GRIN1: variants seen among roughly 807,000 people sequenced by gnomAD.
GRIN1 encodes glutamate receptor ionotropic, NMDA 1.
Under a neutral mutation model 103.0 loss-of-function variants are expected in GRIN1, and 38 were observed. The ratio of observed to expected loss-of-function variants is 0.37; its 90% CI spans 0.28 to 0.48. The LOEUF is 0.48. Ranked by LOEUF, GRIN1 falls within the 20% of genes least tolerant of loss-of-function variation. GRIN1 has a pLI of 0.98. For missense variants in GRIN1, 577 were observed against 1,288.9 expected (o/e 0.45, Z 8.46); for synonymous variants, 544 against 532.7 (o/e 1.02, Z -0.29).
intron 2 of GRIN1, among the ~76,000 whole-genome samples, chr9:137,145,479 C>G (rs1203878047): frequency 3.4e-4 from 35 of 102,772 alleles, no homozygotes; most frequent in East Asian, 2.4e-3. Flanking sequence ...GTGTCCCCAG[C>G]GGGGTGGGGA....
intron 1 of GRIN1, among the ~76,000 whole-genome samples, chr9:137,141,333 C>T (rs1417677328): frequency 6.6e-6 from 1 of 152,178 alleles, no homozygotes; most frequent in Non-Finnish European, 1.5e-5. Flanking sequence ...GAGGCATCAG[C>T]TCCAGGGGGC....
Position 137,145,918 on chromosome 9 carries a change from G to T in GRIN1, c.570+16G>T, listed in dbSNP as rs201978748. Reference sequence around the variant, plus strand: ...TGAGTCCAAGGTGAGGGTCGGCGCCGCGGGTGGGCGCCTGGCGGAGCCGAG... The same window carrying T: ...TGAGTCCAAGGTGAGGGTCGGCGCCTCGGGTGGGCGCCTGGCGGAGCCGAG... On this transcript the variant is annotated intron_variant, in intron 3 of 19. Coordinates refer to ENST00000371561, the MANE Select transcript of GRIN1 (RefSeq NM_007327.4). 16 of 1,575,236 alleles carry T rather than the reference G, an allele frequency of 1.0e-5. No homozygotes were observed. In the South Asian group the frequency reaches 1.5e-4, roughly 15 times the overall value.
intron 3 of GRIN1, among the ~76,000 whole-genome samples, chr9:137,147,413 C>G (rs1215398186): frequency 1.3e-5 from 2 of 152,156 alleles, no homozygotes; most frequent in African/African-American, 4.8e-5. Context: ...CATGCACACA[C>G]GCACACACGT....
chr9:137,151,879 T>C lies in GRIN1; in HGVS notation c.671+2770T>C, dbSNP rs557721504. On this transcript the variant is annotated intron_variant, in intron 4 of 19. Coordinates refer to ENST00000371561, the MANE Select transcript of GRIN1 (RefSeq NM_007327.4). ...CGGGGTTTCACCATGTTGGCCAGAC[T>C]GGTCTCGAACTTGTGGCCTCTTTTT... 1.4e-4 allele frequency among the ~76,000 whole-genome samples: 20 copies of C among 145,814 alleles called. No homozygotes were observed. In the South Asian group the frequency reaches 2.0e-3, roughly 14 times the overall value.
rs767616231 is a variant in GRIN1 at position 137,167,429 on chromosome 9, G to C, written c.2719G>C (p.Gly907Arg). Reference protein sequence around the residue: ...SKDTSTGGGRGALQNQKDTVL... With the variant: ...SKDTSTGGGRRALQNQKDTVL... ...TTTATAGAGCACCGGGGGTGGACGC[G>C]GCGCTTTGCAAAACCAAAAAGACAC... The change falls in exon 20 of 20, where the codon GGC (glycine) becomes CGC (arginine). Residue 907 changes from glycine to arginine, a missense_variant. Gly to Arg is a moderately radical substitution (Grantham distance 125). Transcript: ENST00000371561. 6.4e-7 allele frequency: 1 copy of C among 1,559,532 alleles called. No homozygotes were observed. The highest frequency in any genetic ancestry group is 8.7e-7 in the Non-Finnish European group (1 of 1,151,856).
chr9:137,168,707 C>G lies in GRIN1; in HGVS notation c.*1180C>G, dbSNP rs1002169460. Reference sequence around the variant, plus strand: ...CAGGGTGCAGGCGCGCACCGCCCAACCCCCACCTCCCGGTGTATGCAGTGG... The same window carrying G: ...CAGGGTGCAGGCGCGCACCGCCCAAGCCCCACCTCCCGGTGTATGCAGTGG... On this transcript the variant is annotated 3_prime_UTR_variant, in exon 20 of 20. Coordinates refer to ENST00000371561, the MANE Select transcript of GRIN1 (RefSeq NM_007327.4). 4.8e-5 allele frequency: 29 copies of G among 604,016 alleles called. No homozygotes were observed. The highest frequency in any genetic ancestry group is 5.4e-4 in the Middle Eastern group (1 of 1,864). The allele number at this position is 604,016 out of a possible 1,614,324, so 37.4% of individuals were successfully genotyped here.
chr9:137,146,605 G>C lies in GRIN1; in HGVS notation c.570+703G>C, dbSNP rs1214536773. On this transcript the variant is annotated intron_variant, in intron 3 of 19. Coordinates refer to ENST00000371561, the MANE Select transcript of GRIN1 (RefSeq NM_007327.4). This position sits in a 1 kb window ranked among gnomAD's most constrained non-coding sequence, Gnocchi z 6.7. ...GCAGAGAGATCAGAGCTGGGATTTG[G>C]GGGGGTCCGAGCGACCCCTTTCCCC... Among the ~76,000 whole-genome samples, 2 of 152,104 alleles carry C rather than the reference G, an allele frequency of 1.3e-5. No homozygotes were observed. Among genetic ancestry groups the C allele is most frequent in the African/African-American group, 4.8e-5 (2 of 41,416 alleles).
In GRIN1 at chr9:137,162,399, C is replaced by G; in HGVS notation, c.1752-5C>G. Reference sequence around the variant, plus strand: ...TCTCTCCCGCCCGCCCTCTGCGCCCCGCAGCCCCTTCGGCCGGTTCAAGGT... The same window carrying G: ...TCTCTCCCGCCCGCCCTCTGCGCCCGGCAGCCCCTTCGGCCGGTTCAAGGT... On this transcript the variant is annotated splice_region_variant and splice_polypyrimidine_tract_variant and intron_variant, in intron 12 of 19. Coordinates refer to ENST00000371561, the MANE Select transcript of GRIN1 (RefSeq NM_007327.4). 6.2e-7 allele frequency: 1 copy of G among 1,601,248 alleles called. No homozygotes were observed. Among genetic ancestry groups the G allele is most frequent in the Non-Finnish European group, 8.5e-7 (1 of 1,178,264 alleles).
Position 137,142,043 on chromosome 9 carries a change from A to G in GRIN1, c.289A>G (p.Thr97Ala). The change falls in exon 2 of 20, where the codon ACC becomes GCC. Residue 97 changes from threonine to alanine, a missense_variant. By Grantham distance (58) the Thr-to-Ala change is moderately conservative. Transcript: ENST00000371561. ...VYAILVSHPP[T>A]PNDHFTPTPV... Reference sequence around the variant, plus strand: ...CGCCATCCTAGTTAGCCATCCACCTACCCCCAACGACCACTTCACTCCCAC... The same window carrying G: ...CGCCATCCTAGTTAGCCATCCACCTGCCCCCAACGACCACTTCACTCCCAC... The G allele has an allele frequency of 6.2e-7, 1 of 1,613,458 alleles. No homozygotes were observed. The highest frequency in any genetic ancestry group is 8.5e-7 in the Non-Finnish European group (1 of 1,179,808).
rs202166785 is a variant in GRIN1, at chr9:137,139,642, G to A, written c.156G>A (p.Arg52=). 2 of 1,613,744 alleles carry A rather than the reference G, an allele frequency of 1.2e-6. No individual in the cohort carries two copies. Among genetic ancestry groups the A allele is most frequent in the African/African-American group, 2.7e-5 (2 of 74,926 alleles). Residue 52 remains arginine (R), a synonymous_variant, in exon 1 of 20, where the codon CGG becomes CGA. Transcript: ENST00000371561. This position sits in a 1 kb window ranked among gnomAD's most constrained non-coding sequence, Gnocchi z 7.7. ...AGGCCGTGAACCAGGCCAACAAGCGGCACGGCTCCTGGAAGATTCAGCTCA... is the reference window on the plus strand; with the variant it reads ...AGGCCGTGAACCAGGCCAACAAGCGACACGGCTCCTGGAAGATTCAGCTCA... ...FREAVNQANK[R]HGSWKIQLNA...
In GRIN1 at chr9:137,142,003, G is replaced by A. The variant is rs1161777906; in HGVS notation, c.259-10G>A. ...CTGACTCAAGCTGATCATGTCTCCTGTGTCCACAGGTCTACGCCATCCTAG... is the reference window on the plus strand; with the variant it reads ...CTGACTCAAGCTGATCATGTCTCCTATGTCCACAGGTCTACGCCATCCTAG... On this transcript the variant is annotated splice_polypyrimidine_tract_variant and intron_variant, in intron 1 of 19. Transcript: ENST00000371561. 5 of 1,613,970 alleles carry A rather than the reference G, an allele frequency of 3.1e-6. No individual in the cohort carries two copies. The Admixed American group carries it at 6.7e-5, about 22-fold the overall frequency.
At chr9:137,165,334 A>ACCTGC (rs1462708877) in intron 19 of GRIN1, 38 bp downstream of exon 19, 6 of 1,261,512 alleles carry the variant, frequency 4.8e-6, no homozygotes, top group Non-Finnish European at 7.0e-6. Context: ...GTCCGACTCC[A>ACCTGC]CCTGCCCTGC....
intron 4 of GRIN1, among the ~76,000 whole-genome samples, chr9:137,153,552 A>G (rs1833034177): frequency 6.6e-6 from 1 of 152,028 alleles, no homozygotes; most frequent in Admixed American, 6.5e-5. Flanking sequence ...CACATGCACC[A>G]TGCATACACC....
chr9:137,152,644 C>T (rs1457291056), intron 4 of GRIN1, among the ~76,000 whole-genome samples: 2 of 152,140 alleles, frequency 1.3e-5, no homozygotes, highest in East Asian at 3.8e-4. Context: ...GTTGACCCCG[C>T]GTTGCCAGCC....
chr9:137,162,109 G>T, intron 11 of GRIN1, 21 bp downstream of exon 11: 1 of 1,531,934 alleles, frequency 6.5e-7, no homozygotes. Context: ...GCCGGGTGGC[G>T]GGGTGGCGGC....
chr9:137,163,060 G>A, intron 15 of GRIN1, 57 bp downstream of exon 15: 1 of 1,557,908 alleles, frequency 6.4e-7, no homozygotes, highest in Non-Finnish European at 8.7e-7. Context: ...GGGGGAGGGT[G>A]GCCTCCACCG....
At chr9:137,142,280 C>A in intron 2 of GRIN1, 133 bp downstream of exon 2, 2 of 840,718 alleles carry the variant, frequency 2.4e-6, no homozygotes, top group South Asian at 2.7e-5. Context: ...CCCCCACATT[C>A]ATGCACGTCC....
intron 6 of GRIN1, among the ~76,000 whole-genome samples, 189 bp from the exon 7 acceptor site, chr9:137,158,190 C>T (rs375512538): frequency 6.6e-6 from 1 of 152,224 alleles, no homozygotes; most frequent in African/African-American, 2.4e-5. Flanking sequence ...TGTCCAGGGT[C>T]TGGCGTCTGC....
Position 137,163,601 on chromosome 9 carries a change from G to A in GRIN1, c.2376G>A (p.Trp792Ter). The change falls in exon 17 of 20, where the codon TGG becomes TGA. Residue 792 changes from tryptophan (W) to a stop codon, truncating the protein, a stop_gained. Transcript: ENST00000371561. LOFTEE classifies it high-confidence loss of function. The stretch of plus-strand genomic sequence containing the variant: ...TCATGGAAGACCTGGACAAGACGTG[G>A]GTTCGGTATCAGGAATGTGACTCGC... ...NGFMEDLDKT[W>*]VRYQECDSRS... 1 of 1,613,668 alleles carries A rather than the reference G, an allele frequency of 6.2e-7. No homozygotes were observed. Among genetic ancestry groups the A allele is most frequent in the Non-Finnish European group, 8.5e-7 (1 of 1,179,900 alleles).
Sources: allele counts gnomAD v4.1 joint callset (sites outside exome capture counted in the v4.1 genomes callset), GRCh38; gene constraint gnomAD v4.1.1; non-coding constraint Gnocchi (gnomAD v3.1); transcripts MANE v1.5; gene names NCBI Gene and HGNC (gene_info 2026-07-23, HGNC 2026-07-21).